FILIP1: variants seen among roughly 807,000 people sequenced by gnomAD.
FILIP1 encodes filamin A interacting protein 1, also known as filamin-A-interacting protein 1.
In FILIP1, 61 loss-of-function variants were observed where a neutral mutation model predicts 102.1. The ratio of observed to expected loss-of-function variants is 0.60; its 90% CI spans 0.49 to 0.74. FILIP1 has a LOEUF of 0.74. Among genes scored for constraint, FILIP1 ranks in the 30% least tolerant of loss-of-function variants. The probability of loss-of-function intolerance (pLI) is 0.00; values close to 1 mark genes in which losing one functional copy is unlikely to be tolerated. For missense variants in FILIP1, 1,314 were observed against 1,441.2 expected, an observed-to-expected ratio of 0.91 and a Z score of 1.43; for synonymous variants, 491 against 526.9, an observed-to-expected ratio of 0.93 and a Z score of 0.93.
At chr6:75,483,238 C>T (rs1779693894) in intron 1 of FILIP1, among the ~76,000 whole-genome samples, 1 of 152,220 alleles carries the variant, frequency 6.6e-6, no homozygotes, top group African/African-American at 2.4e-5. Context: ...AGTACATTAA[C>T]ACACTGACCT....
rs1248546925 is a variant in FILIP1 at position 75,493,624 on chromosome 6, G to A, written c.-217C>T. Reference sequence around the variant, plus strand: ...TGCAGGAAACAGAGTAGAGAGGAGGGAAAGCAGCTTCTTCTCCCTGAAATC... The same window carrying A: ...TGCAGGAAACAGAGTAGAGAGGAGGAAAAGCAGCTTCTTCTCCCTGAAATC... On this transcript the variant is annotated 5_prime_UTR_variant, in exon 1 of 6. Transcript: ENST00000237172. The A allele has an allele frequency of 6.6e-6, 1 of 152,226 alleles. No individual in the cohort carries two copies. Among genetic ancestry groups the A allele is most frequent in the Non-Finnish European group, 1.5e-5 (1 of 68,044 alleles). 9.4% of individuals were successfully genotyped at this position (152,226 alleles called of 1,614,324 possible).
At chr6:75,329,448 A>G (rs1440463955) in intron 4 of FILIP1, among the ~76,000 whole-genome samples, 2 of 152,218 alleles carry the variant, frequency 1.3e-5, no homozygotes, top group Non-Finnish European at 2.9e-5. Context: ...AAATGTCACC[A>G]AAAAGTCATC....
At chr6:75,418,420 CA>C (rs747288956) in intron 1 of FILIP1, among the ~76,000 whole-genome samples, 4 of 152,238 alleles carry the variant, frequency 2.6e-5, no homozygotes, top group Middle Eastern at 3.4e-3. Flanking sequence ...GCAATCTGGT[CA>C]ATTATTAAGG....
chr6:75,341,315 A>T (rs1774414260), intron 4 of FILIP1, among the ~76,000 whole-genome samples: 1 of 151,542 alleles, frequency 6.6e-6, no homozygotes, highest in South Asian at 2.1e-4. Context: ...TATGTGCTGT[A>T]ACACCTGGCT....
rs1773049216 is a variant in FILIP1 at position 75,308,176 on chromosome 6, G to A, written c.*515C>T. 1 of 987,232 alleles carries A rather than the reference G, an allele frequency of 1.0e-6. No individual in the cohort carries two copies. The allele number at this position is 987,232 out of a possible 1,614,324, so 61.2% of individuals were successfully genotyped here. On this transcript the variant is annotated 3_prime_UTR_variant, in exon 6 of 6. Coordinates refer to ENST00000237172, the MANE Select transcript of FILIP1 (RefSeq NM_015687.5). The stretch of plus-strand genomic sequence containing the variant: ...CTTTTGTTTTTGCAAAATTTTAGAG[G>A]TCCAGGCCCTGTGATAGCTATGTGA...
intron 1 of FILIP1, among the ~76,000 whole-genome samples, chr6:75,429,361 G>A (rs915220880): frequency 2.6e-5 from 4 of 152,134 alleles, no homozygotes; most frequent in Admixed American, 2.6e-4. Flanking sequence ...ACGTCCTGGA[G>A]AGGAATTGTC....
chr6:75,456,749 G>A (rs746197921), intron 1 of FILIP1, among the ~76,000 whole-genome samples: 31 of 151,982 alleles, frequency 2.0e-4, no homozygotes, highest in Non-Finnish European at 4.0e-4. Flanking sequence ...TAGTAGAGAC[G>A]GGGTTTCACC....
chr6:75,299,365 T>C (rs1772772033), intron 6 of FILIP1, among the ~76,000 whole-genome samples: 1 of 152,148 alleles, frequency 6.6e-6, no homozygotes, highest in Non-Finnish European at 1.5e-5. Flanking sequence ...CTGACAATAG[T>C]GATTTGGAGA....
intron 4 of FILIP1, among the ~76,000 whole-genome samples, chr6:75,318,228 C>CTTTTT (rs35536817): frequency 9.7e-6 from 1 of 102,888 alleles, no homozygotes; most frequent in Non-Finnish European, 2.0e-5. Context: ...ATTATACAGT[C>CTTTTT]TTTTTTTTTT....
intron 4 of FILIP1, among the ~76,000 whole-genome samples, chr6:75,342,880 ACT>A (rs1774459732): frequency 6.6e-6 from 1 of 152,202 alleles, no homozygotes; most frequent in Non-Finnish European, 1.5e-5. Context: ...GCTTTCTCTG[ACT>A]AAACATACTG....
At chr6:75,430,716 G>A (rs1333419055) in intron 1 of FILIP1, among the ~76,000 whole-genome samples, 1 of 152,156 alleles carries the variant, frequency 6.6e-6, no homozygotes, top group African/African-American at 2.4e-5. Context: ...TCATATCTGA[G>A]GATTAACTAG....
chr6:75,384,787 T>G (rs1431963792), intron 2 of FILIP1: 1 of 151,440 alleles, frequency 6.6e-6, no homozygotes, highest in Non-Finnish European at 1.5e-5. Context: ...ACAAAAAAAT[T>G]TAATTGCTTT....
Position 75,324,522 on chromosome 6 carries a change from C to T in FILIP1, c.630-9320G>A, listed in dbSNP as rs747608335. On this transcript the variant is annotated intron_variant, in intron 4 of 5. Coordinates refer to ENST00000237172, the MANE Select transcript of FILIP1 (RefSeq NM_015687.5). Reference sequence around the variant, plus strand: ...GAAAATAACCATACTGCCAAAGGCACTCTACAGATTCAATGCATTTCCCAT... The same window carrying T: ...GAAAATAACCATACTGCCAAAGGCATTCTACAGATTCAATGCATTTCCCAT... Among the ~76,000 whole-genome samples the T allele has an allele frequency of 1.0e-3, 157 of 152,224 alleles. 1 individual carries two copies. In the Middle Eastern group the frequency reaches 0.014, roughly 13 times the overall value.
At chr6:75,292,933 AATGCT>A in exon 7 of FILIP1, 1 of 152,288 alleles carries the variant, frequency 6.6e-6, no homozygotes, top group South Asian at 2.1e-4. Flanking sequence ...TGTCTCTATT[AATGCT>A]TAGAGATTCC....
At chr6:75,356,860 T>C (rs1417283584) in intron 3 of FILIP1, among the ~76,000 whole-genome samples, 1 of 152,226 alleles carries the variant, frequency 6.6e-6, no homozygotes, top group Non-Finnish European at 1.5e-5. Flanking sequence ...CCCCAAGAAC[T>C]TTCCAAATTT....
chr6:75,490,468 G>T (rs531929181), intron 1 of FILIP1, among the ~76,000 whole-genome samples: 1 of 151,994 alleles, frequency 6.6e-6, no homozygotes, highest in Non-Finnish European at 1.5e-5. Context: ...GGATCATAAC[G>T]TATTTAAATG....
intron 1 of FILIP1, among the ~76,000 whole-genome samples, chr6:75,448,066 C>A (rs1778497284): frequency 6.6e-6 from 1 of 152,068 alleles, no homozygotes. Flanking sequence ...GGAAAAAAGT[C>A]TTTGTAATTT....
rs183887203 is a variant in FILIP1, at chr6:75,330,525, A to G, written c.630-15323T>C. On this transcript the variant is annotated intron_variant, in intron 4 of 5. Coordinates refer to ENST00000237172, the MANE Select transcript of FILIP1 (RefSeq NM_015687.5). ...TCCCACTCTAAAAAAGAACTTGGTG[A>G]TAAAAAAAATTGAAAGAGAAGAGAA... is the stretch of plus-strand genomic sequence containing the variant. Among the ~76,000 whole-genome samples, 633 of 152,134 alleles carry G rather than the reference A, an allele frequency of 4.2e-3. 16 individuals are homozygous for G. Among genetic ancestry groups the G allele is most frequent in the Non-Finnish European group, 2.1e-3 (142 of 68,024 alleles).
intron 2 of FILIP1, among the ~76,000 whole-genome samples, chr6:75,414,401 T>C (rs1777181217): frequency 1.3e-5 from 2 of 152,150 alleles, no homozygotes; most frequent in Admixed American, 6.6e-5. Flanking sequence ...ATAACCTAAT[T>C]GATTACCTAC....
Sources: gnomAD v4.1 joint callset for allele counts (sites outside exome capture counted in the v4.1 genomes callset) on GRCh38, gnomAD v4.1.1 for gene constraint, MANE v1.5 for transcripts, NCBI Gene and HGNC (gene_info 2026-07-23, HGNC 2026-07-21) for gene names.